PTPRD: variants seen among roughly 807,000 people sequenced by gnomAD.
PTPRD encodes the protein protein tyrosine phosphatase receptor type D.
In PTPRD, 34 loss-of-function variants were observed where a neutral mutation model predicts 214.5. The observed-to-expected ratio is 0.16, with a 90% CI of 0.12 to 0.21. The LOEUF is 0.21. PTPRD is among the 10% of genes least tolerant of loss of function. PTPRD has a pLI of 1.00. For missense variants in PTPRD, 2,545 were observed against 2,398.7 expected (o/e 1.06, Z -1.27); for synonymous variants, 1,128 against 845.7 (o/e 1.33, Z -5.79).
At chr9:9,329,801 C>T (rs1300490510) in intron 9 of PTPRD, among the ~76,000 whole-genome samples, 2 of 152,182 alleles carry the variant, frequency 1.3e-5, no homozygotes, top group Non-Finnish European at 2.9e-5. Flanking sequence ...TGCATTAATG[C>T]AAATGGGTTT....
intron 12 of PTPRD, among the ~76,000 whole-genome samples, chr9:8,711,830 C>T (rs1196825820): frequency 6.6e-6 from 1 of 152,098 alleles, no homozygotes; most frequent in Non-Finnish European, 1.5e-5. Flanking sequence ...TTGAAACAAC[C>T]CAAAGGAATA....
chr9:9,852,627 T>C (rs1276520892), intron 5 of PTPRD, among the ~76,000 whole-genome samples: 1 of 152,136 alleles, frequency 6.6e-6, no homozygotes, highest in Non-Finnish European at 1.5e-5. Context: ...CATATAATCC[T>C]TTATATTGTC....
chr9:8,952,026 TA>T (rs2099104780), intron 11 of PTPRD, among the ~76,000 whole-genome samples: 1 of 152,086 alleles, frequency 6.6e-6, no homozygotes, highest in Admixed American at 6.6e-5. Context: ...TACACATATA[TA>T]AAAATATATA....
chr9:9,062,265 G>A (rs1009063395), intron 10 of PTPRD, among the ~76,000 whole-genome samples: 1 of 152,080 alleles, frequency 6.6e-6, no homozygotes, highest in African/African-American at 2.4e-5. Flanking sequence ...ATAACCAGGA[G>A]AGATATAAAA....
At chr9:9,694,087 G>A (rs1033541284) in intron 7 of PTPRD, among the ~76,000 whole-genome samples, 1 of 152,106 alleles carries the variant, frequency 6.6e-6, no homozygotes, top group Non-Finnish European at 1.5e-5. Flanking sequence ...TGTTTCTCCT[G>A]GATTGGACCT....
chr9:10,518,783 T>C (rs112436435), intron 2 of PTPRD, among the ~76,000 whole-genome samples: 26,364 of 151,940 alleles, frequency 0.17, 2,415 homozygotes, highest in South Asian at 0.29. Flanking sequence ...CTGCCCGCCT[T>C]GGCCTCCCAA....
intron 13 of PTPRD, among the ~76,000 whole-genome samples, chr9:8,636,378 G>A (rs76589653): frequency 1.3e-5 from 2 of 152,250 alleles, no homozygotes; most frequent in East Asian, 3.9e-4. Flanking sequence ...GCTTCTGGAA[G>A]AGACAAGCTT....
chr9:10,524,195 G>T (rs2053513890), intron 2 of PTPRD, among the ~76,000 whole-genome samples: 1 of 151,990 alleles, frequency 6.6e-6, no homozygotes, highest in Non-Finnish European at 1.5e-5. Flanking sequence ...ATGTAAATTT[G>T]ATGTGTTAGG....
chr9:9,975,843 T>C (rs2095331856), intron 4 of PTPRD, among the ~76,000 whole-genome samples: 1 of 152,176 alleles, frequency 6.6e-6, no homozygotes, highest in East Asian at 1.9e-4. Flanking sequence ...TGCATTAAAG[T>C]GGGGATACTG....
intron 37 of PTPRD, among the ~76,000 whole-genome samples, chr9:8,382,763 T>C (rs1345846349): frequency 6.6e-6 from 1 of 152,164 alleles, no homozygotes; most frequent in African/African-American, 2.4e-5. Flanking sequence ...ATCCCATACA[T>C]CATGCAGACT....
At chr9:9,301,945 GT>G (rs2134829005) in intron 9 of PTPRD, among the ~76,000 whole-genome samples, 1 of 152,002 alleles carries the variant, frequency 6.6e-6, no homozygotes, top group African/African-American at 2.4e-5. Context: ...GCATTTGTTT[GT>G]TGATTTGCTA....
intron 6 of PTPRD, among the ~76,000 whole-genome samples, chr9:9,744,206 T>C (rs2098436378): frequency 6.6e-6 from 1 of 152,098 alleles, no homozygotes; most frequent in Non-Finnish European, 1.5e-5. Context: ...CAACGATATA[T>C]CGTCAAGGAG....
At chr9:9,073,942 C>T (rs1326501911) in intron 10 of PTPRD, among the ~76,000 whole-genome samples, 1 of 151,900 alleles carries the variant, frequency 6.6e-6, no homozygotes, top group Non-Finnish European at 1.5e-5. Flanking sequence ...TCAACAGTTT[C>T]CCCACCTGTA....
chr9:8,941,258 T>G (rs2099032199), intron 11 of PTPRD, among the ~76,000 whole-genome samples: 1 of 152,186 alleles, frequency 6.6e-6, no homozygotes, highest in Non-Finnish European at 1.5e-5. Context: ...CTAAAATGCT[T>G]ACTAAAACAC....
intron 5 of PTPRD, among the ~76,000 whole-genome samples, chr9:9,822,449 T>A (rs923330794): frequency 2.7e-5 from 4 of 147,650 alleles, no homozygotes; most frequent in African/African-American, 9.8e-5. Flanking sequence ...AATATATACA[T>A]AATATACAAT....
chr9:10,403,227 A>AAT (rs58712564), intron 2 of PTPRD, among the ~76,000 whole-genome samples: 4,205 of 59,782 alleles, frequency 0.07, 328 homozygotes, highest in African/African-American at 0.13. Flanking sequence ...TGTGTGTGTA[A>AAT]ATATATATAT....
At position 9,975,758 on chromosome 9, in the gene PTPRD, A is replaced by G. The variant is rs148366613; in HGVS notation, c.-471-37148T>C. 9.0e-3 allele frequency among the ~76,000 whole-genome samples: 1,365 copies of G among 152,286 alleles called. 16 individuals carry two copies. The highest frequency in any genetic ancestry group is 0.014 in the Non-Finnish European group (927 of 68,014). On this transcript the variant is annotated intron_variant, in intron 4 of 45. Coordinates refer to ENST00000381196, the MANE Select transcript of PTPRD (RefSeq NM_002839.4). ...CGTAGATACACAGGTTCTGGAGTCA[A>G]TCTACCTGGATTCTAACACTTATTA...
At chr9:8,826,625 G>A (rs1028888404) in intron 11 of PTPRD, among the ~76,000 whole-genome samples, 3 of 116,074 alleles carry the variant, frequency 2.6e-5, no homozygotes, top group African/African-American at 1.0e-4. Context: ...AAGACTGCAG[G>A]CACCATCTTT....
intron 11 of PTPRD, among the ~76,000 whole-genome samples, chr9:8,863,847 A>G (rs2098148978): frequency 6.6e-6 from 1 of 152,194 alleles, no homozygotes. Flanking sequence ...TTTAAATTAT[A>G]TCTTCAGTAG....
Sources: allele counts gnomAD v4.1 joint callset (sites outside exome capture counted in the v4.1 genomes callset), GRCh38; gene constraint gnomAD v4.1.1; transcripts MANE v1.5; gene names NCBI Gene and HGNC (gene_info 2026-07-23, HGNC 2026-07-21).